Variants in LRRC1 observed in about 807,000 individuals in gnomAD.
LRRC1 encodes the protein leucine rich repeat containing 1.
A neutral mutation model predicts 69.9 loss-of-function variants in LRRC1; 28 were observed. That is an observed-to-expected ratio of 0.40 (90% CI 0.30 to 0.55). The LOEUF (loss-of-function observed/expected upper bound fraction) is 0.55, where lower values mean the gene tolerates loss of function less well. LRRC1 is among the 20% of genes least tolerant of loss of function. LRRC1 has a pLI of 0.47. For missense variants in LRRC1, 498 were observed against 609.0 expected (o/e 0.82, Z 1.92); for synonymous variants, 236 against 240.2 (o/e 0.98, Z 0.16).
intron 2 of LRRC1, among the ~76,000 whole-genome samples, chr6:53,854,477 T>C (rs1766246515): frequency 6.6e-6 from 1 of 152,240 alleles, no homozygotes; most frequent in African/African-American, 2.4e-5. Flanking sequence ...GGGTGCTTAC[T>C]GTGTACCAGG....
chr6:53,878,406 G>A (rs1767145816), intron 2 of LRRC1, among the ~76,000 whole-genome samples: 1 of 152,180 alleles, frequency 6.6e-6, no homozygotes, highest in Admixed American at 6.5e-5. Context: ...AGATTCAATG[G>A]GAGCCCTGAG....
intron 4 of LRRC1, among the ~76,000 whole-genome samples, chr6:53,889,044 G>T (rs982667998): frequency 2.6e-5 from 4 of 152,140 alleles, no homozygotes; most frequent in African/African-American, 9.7e-5. Flanking sequence ...AATGGTTAAA[G>T]GATTCGAATA....
Position 53,798,910 on chromosome 6 carries a change from A to G in LRRC1, c.159+3495A>G, listed in dbSNP as rs566788400. 5.3e-5 allele frequency among the ~76,000 whole-genome samples: 8 copies of G among 152,320 alleles called. No homozygotes were observed. The East Asian group carries it at 1.3e-3, about 26-fold the overall frequency. On this transcript the variant is annotated intron_variant, in intron 1 of 13. Transcript: ENST00000370888. ...AAGAAAAGGTCATTCATAGGGTGAC[A>G]CTGTTTTGTCCTACTTGCCCTGCAG...
intron 2 of LRRC1, among the ~76,000 whole-genome samples, chr6:53,854,951 A>G (rs1245105766): frequency 6.6e-6 from 1 of 152,212 alleles, no homozygotes; most frequent in Non-Finnish European, 1.5e-5. Flanking sequence ...ACAGGAAGCT[A>G]TTAGGTTTCA....
chr6:53,882,752 A>G (rs2127431342), intron 3 of LRRC1, 135 bp from the exon 4 acceptor site: 7 of 573,290 alleles, frequency 1.2e-5, no homozygotes, highest in South Asian at 4.9e-5. Context: ...GACAAGGCAA[A>G]CATGCCATAT....
At chr6:53,905,705 G>A (rs1439855018) in intron 10 of LRRC1, among the ~76,000 whole-genome samples, 3 of 152,096 alleles carry the variant, frequency 2.0e-5, no homozygotes, top group Non-Finnish European at 4.4e-5. Context: ...CCTCATCTTG[G>A]TGTTCGGCCC....
chr6:53,911,885 C>T (rs1768423376), intron 10 of LRRC1, among the ~76,000 whole-genome samples: 2 of 152,086 alleles, frequency 1.3e-5, no homozygotes, highest in South Asian at 4.1e-4. Flanking sequence ...TTGTTGATTC[C>T]CTTCCTCAAG....
intron 2 of LRRC1, among the ~76,000 whole-genome samples, chr6:53,849,409 A>T (rs1766055659): frequency 6.6e-6 from 1 of 152,132 alleles, no homozygotes; most frequent in African/African-American, 2.4e-5. Context: ...CTCACTTTTT[A>T]ATTAGGCCGT....
chr6:53,824,079 A>C (rs775026770), intron 1 of LRRC1, among the ~76,000 whole-genome samples: 1 of 149,594 alleles, frequency 6.7e-6, no homozygotes, highest in African/African-American at 2.4e-5. Context: ...TCTTTCCCAC[A>C]TGGTTAAACT....
intron 2 of LRRC1, among the ~76,000 whole-genome samples, chr6:53,872,827 G>C (rs540676684): frequency 1.4e-5 from 2 of 146,854 alleles, no homozygotes; most frequent in South Asian, 2.2e-4. Context: ...TACATTCTTG[G>C]ATCACTGCAA....
At chr6:53,819,803 A>G (rs1349279405) in intron 1 of LRRC1, among the ~76,000 whole-genome samples, 1 of 152,202 alleles carries the variant, frequency 6.6e-6, no homozygotes, top group African/African-American at 2.4e-5. Context: ...GCTACCTCAA[A>G]TGAGATTTAT....
At chr6:53,909,514 T>C (rs1183783362) in intron 10 of LRRC1, among the ~76,000 whole-genome samples, 1 of 152,182 alleles carries the variant, frequency 6.6e-6, no homozygotes, top group Non-Finnish European at 1.5e-5. Context: ...ATTATCCCTT[T>C]GTGGTAAGAT....
At chr6:53,834,369 A>G (rs1765549485) in intron 1 of LRRC1, among the ~76,000 whole-genome samples, 1 of 152,156 alleles carries the variant, frequency 6.6e-6, no homozygotes, top group Non-Finnish European at 1.5e-5. Flanking sequence ...CAACTTGTCA[A>G]TCAAGATGGA....
At chr6:53,866,748 G>C (rs967206117) in intron 2 of LRRC1, among the ~76,000 whole-genome samples, 2 of 152,128 alleles carry the variant, frequency 1.3e-5, no homozygotes, top group African/African-American at 4.8e-5. Context: ...AATTGATAAA[G>C]ATTATTCATA....
At chr6:53,817,356 G>T (rs537455074) in intron 1 of LRRC1, among the ~76,000 whole-genome samples, 5 of 152,198 alleles carry the variant, frequency 3.3e-5, no homozygotes, top group African/African-American at 1.2e-4. Flanking sequence ...GGTACAAAGT[G>T]ATGTTATGAT....
At chr6:53,862,323 G>GTGTGTGTGTA (rs1766556181) in intron 2 of LRRC1, among the ~76,000 whole-genome samples, 1 of 132,274 alleles carries the variant, frequency 7.6e-6, no homozygotes, top group African/African-American at 2.8e-5. Flanking sequence ...GTGTGTGTGT[G>GTGTGTGTGTA]TGTATGTTTA....
At chr6:53,902,439 A>G (rs760432400) in intron 8 of LRRC1, among the ~76,000 whole-genome samples, 190 bp from the exon 9 acceptor site, 4 of 152,196 alleles carry the variant, frequency 2.6e-5, no homozygotes, top group Non-Finnish European at 5.9e-5. Flanking sequence ...TTGATGTTCT[A>G]AACAAATTAT....
In LRRC1 at chr6:53,913,357, A is replaced by G. The variant is rs533667657; in HGVS notation, c.991-497A>G. ...CATCTGTAAGATACCCCTCTTTTTGAAAAAAAAAAACCAAAAAACAAAAAA... is the reference window on the plus strand; with the variant it reads ...CATCTGTAAGATACCCCTCTTTTTGGAAAAAAAAAACCAAAAAACAAAAAA... On this transcript the variant is annotated intron_variant, in intron 10 of 13. Coordinates refer to ENST00000370888, the MANE Select transcript of LRRC1 (RefSeq NM_018214.5). Among the ~76,000 whole-genome samples, 24 of 146,504 alleles carry G rather than the reference A, an allele frequency of 1.6e-4. No individual in the cohort carries two copies. The South Asian group carries it at 3.4e-3, about 21-fold the overall frequency.
chr6:53,895,577 C>T (rs1458601356), intron 4 of LRRC1, among the ~76,000 whole-genome samples: 1 of 152,182 alleles, frequency 6.6e-6, no homozygotes, highest in Non-Finnish European at 1.5e-5. Context: ...GTGATATTAG[C>T]AAAATGTGAC....
Sources: gnomAD v4.1 joint callset for allele counts (sites outside exome capture counted in the v4.1 genomes callset) on GRCh38, gnomAD v4.1.1 for gene constraint, MANE v1.5 for transcripts, NCBI Gene and HGNC (gene_info 2026-07-23, HGNC 2026-07-21) for gene names.